The following ZFHX3 variants were observed in gnomAD, a reference collection of about 807,000 sequenced individuals.
ZFHX3 encodes the protein zinc finger homeobox 3.
ZFHX3 carries 42 observed loss-of-function variants against 279.1 expected under a neutral mutation model. The ratio of observed to expected loss-of-function variants is 0.15; its 90% CI spans 0.12 to 0.19. The LOEUF is 0.19. Ranked by LOEUF, ZFHX3 falls within the 10% of genes least tolerant of loss-of-function variation. ZFHX3 has a pLI of 1.00. For synonymous variants in ZFHX3, 2,293 were observed against 1,957.8 expected (o/e 1.17, Z -4.52); for missense variants, 4,981 against 4,754.0 (o/e 1.05, Z -1.40).
At chr16:73,405,577 G>T (rs2017342586) in intron 3 of ZFHX3, among the ~76,000 whole-genome samples, 2 of 139,730 alleles carry the variant, frequency 1.4e-5, no homozygotes, top group Admixed American at 1.5e-4. Flanking sequence ...TTATACATTA[G>T]TTTTTTTGTT....
chr16:73,670,791 T>G (rs2052897063), intron 2 of ZFHX3, among the ~76,000 whole-genome samples: 1 of 152,196 alleles, frequency 6.6e-6, no homozygotes, highest in South Asian at 2.1e-4. Flanking sequence ...ATGGTAAATA[T>G]CAATCAATCC....
intron 1 of ZFHX3, among the ~76,000 whole-genome samples, chr16:73,842,512 A>G (rs1357229969): frequency 1.3e-5 from 2 of 152,030 alleles, no homozygotes; most frequent in Non-Finnish European, 2.9e-5. Context: ...TATGCTCCAT[A>G]TCCCCATACC....
At chr16:73,849,757 G>A (rs533375479) in intron 1 of ZFHX3, among the ~76,000 whole-genome samples, 2 of 152,298 alleles carry the variant, frequency 1.3e-5, no homozygotes, top group South Asian at 4.1e-4. Flanking sequence ...TTTTGAGACG[G>A]ACTCTCGCTC....
intron 1 of ZFHX3, among the ~76,000 whole-genome samples, chr16:72,976,880 C>T (rs772709084): frequency 9.2e-5 from 14 of 151,702 alleles, no homozygotes; most frequent in Non-Finnish European, 1.8e-4. Flanking sequence ...GGTTCAACTC[C>T]GCCAGTGCCC....
At chr16:73,389,007 C>T (rs1056354688) in intron 3 of ZFHX3, 3 of 152,252 alleles carry the variant, frequency 2.0e-5, no homozygotes, top group Non-Finnish European at 4.4e-5. Context: ...CTGTTTCTTT[C>T]CCTCCTCACC....
chr16:73,677,844 T>C (rs985675110), intron 2 of ZFHX3, among the ~76,000 whole-genome samples: 2 of 151,962 alleles, frequency 1.3e-5, no homozygotes, highest in African/African-American at 4.8e-5. Context: ...AAACCCTAAA[T>C]AAAATACTCT....
chr16:73,195,827 G>A (rs571512939), intron 5 of ZFHX3, among the ~76,000 whole-genome samples: 87 of 152,298 alleles, frequency 5.7e-4, no homozygotes, highest in African/African-American at 2.0e-3. Context: ...GAGAGAGTGA[G>A]GGGCCTGACT....
chr16:73,863,783 G>A (rs1364731610), intron 1 of ZFHX3, among the ~76,000 whole-genome samples: 1 of 152,130 alleles, frequency 6.6e-6, no homozygotes, highest in Non-Finnish European at 1.5e-5. Context: ...TCATATTCAG[G>A]AAGAGCTCAA....
At chr16:72,943,647 T>C (rs1462973884) in intron 3 of ZFHX3, among the ~76,000 whole-genome samples, 1 of 152,052 alleles carries the variant, frequency 6.6e-6, no homozygotes, top group African/African-American at 2.4e-5. Flanking sequence ...ACAATGAAAA[T>C]GGAAAAACAA....
At chr16:72,925,201 T>C (rs771792709) in intron 3 of ZFHX3, among the ~76,000 whole-genome samples, 1 of 152,100 alleles carries the variant, frequency 6.6e-6, no homozygotes, top group Non-Finnish European at 1.5e-5. Context: ...GCTATCGAAA[T>C]CGGTCGTGAG....
rs374202917 is a variant in ZFHX3 at position 73,876,493 on chromosome 16, T to C, written c.-1608+15158A>G. Among the ~76,000 whole-genome samples the C allele has an allele frequency of 3.2e-4, 48 of 152,356 alleles. 1 individual carries two copies. The South Asian group carries it at 7.0e-3, about 22-fold the overall frequency. ...TGATAAGATCCACATATGGGGTATA[T>C]GTGTGTATCCTATCAGTAACATATA... On this transcript the variant is annotated intron_variant, in intron 1 of 17. Coordinates refer to the ZFHX3 transcript ENST00000641206.
intron 7 of ZFHX3, among the ~76,000 whole-genome samples, chr16:73,125,666 T>C (rs897452518): frequency 1.3e-5 from 2 of 152,138 alleles, no homozygotes; most frequent in African/African-American, 4.8e-5. Context: ...CTTCGAACAC[T>C]GGACTCCAAA....
intron 1 of ZFHX3, among the ~76,000 whole-genome samples, chr16:73,720,381 C>T (rs777072689): frequency 1.3e-5 from 2 of 152,186 alleles, no homozygotes; most frequent in East Asian, 1.9e-4. Flanking sequence ...TTTTATCTCG[C>T]TATCATTTAA....
chr16:73,634,822 T>A (rs1332670028), intron 2 of ZFHX3, among the ~76,000 whole-genome samples: 1 of 152,180 alleles, frequency 6.6e-6, no homozygotes, highest in Non-Finnish European at 1.5e-5. Flanking sequence ...TTCTCCTTCG[T>A]AAAATCTTGA....
chr16:73,448,037 G>T (rs2143551915), intron 3 of ZFHX3, among the ~76,000 whole-genome samples: 1 of 152,250 alleles, frequency 6.6e-6, no homozygotes, highest in Middle Eastern at 3.4e-3. Context: ...CGCCAATAAG[G>T]ACATTTGCCA....
rs145919390 is a variant in ZFHX3 at position 73,669,147 on chromosome 16, G to A, written c.-1547+11033C>T. Among the ~76,000 whole-genome samples the A allele has an allele frequency of 1.4e-4, 21 of 151,470 alleles. No homozygotes were observed. In the East Asian group the frequency reaches 3.9e-3, roughly 28 times the overall value. Reference sequence around the variant, plus strand: ...GGGCTCACTGCAACCACTGCCTCCCGGGCTCAAGCAATTCTCCTGTCTCAG... The same window carrying A: ...GGGCTCACTGCAACCACTGCCTCCCAGGCTCAAGCAATTCTCCTGTCTCAG... On this transcript the variant is annotated intron_variant, in intron 2 of 17. Coordinates refer to the ZFHX3 transcript ENST00000641206.
intron 2 of ZFHX3, among the ~76,000 whole-genome samples, chr16:73,612,658 A>T (rs1008060342): frequency 3.3e-5 from 5 of 152,244 alleles, no homozygotes; most frequent in African/African-American, 1.2e-4. Flanking sequence ...CACTGGGGAC[A>T]AACAGGAATT....
intron 1 of ZFHX3, among the ~76,000 whole-genome samples, chr16:73,054,468 T>A (rs1030813106): frequency 7.8e-6 from 1 of 128,404 alleles, no homozygotes; most frequent in Non-Finnish European, 1.6e-5. Flanking sequence ...TTTTTTTTTT[T>A]AGGAAATCCA....
intron 2 of ZFHX3, among the ~76,000 whole-genome samples, chr16:73,607,933 A>T (rs1040711812): frequency 5.9e-5 from 9 of 152,084 alleles, no homozygotes; most frequent in African/African-American, 1.9e-4. Context: ...TCAGCCAGTC[A>T]TGGAAGTCTG....
Sources: gnomAD v4.1 joint callset for allele counts (sites outside exome capture counted in the v4.1 genomes callset) on GRCh38, gnomAD v4.1.1 for gene constraint, MANE v1.5 for transcripts, NCBI Gene and HGNC (gene_info 2026-07-23, HGNC 2026-07-21) for gene names.